The following ZCWPW2 variants were observed in gnomAD, a reference collection of about 807,000 sequenced individuals.
ZCWPW2 encodes the protein zinc finger CW-type and PWWP domain containing 2.
In ZCWPW2, 45 loss-of-function variants were observed where a neutral mutation model predicts 46.6. The ratio of observed to expected loss-of-function variants is 0.96; its 90% CI spans 0.76 to 1.24. The LOEUF (loss-of-function observed/expected upper bound fraction) is 1.24, where lower values mean the gene tolerates loss of function less well. ZCWPW2 is among the 50% of genes most tolerant of loss of function. The pLI, the probability that ZCWPW2 is intolerant of heterozygous loss-of-function variation, is 0.00. For missense variants in ZCWPW2, 429 were observed against 403.9 expected (o/e 1.06, Z -0.53); for synonymous variants, 152 against 137.1 (o/e 1.11, Z -0.76).
At chr3:28,371,478 AT>A (rs1374771988) in intron 1 of ZCWPW2, among the ~76,000 whole-genome samples, 1 of 152,070 alleles carries the variant, frequency 6.6e-6, no homozygotes, top group East Asian at 1.9e-4. Context: ...GGAGTTACAC[AT>A]CAAAGGAAGT....
intron 2 of ZCWPW2, among the ~76,000 whole-genome samples, chr3:28,401,689 A>G (rs1292560190): frequency 6.6e-6 from 1 of 152,158 alleles, no homozygotes. Flanking sequence ...TATAGGCCAC[A>G]AAACAACCCT....
intron 4 of ZCWPW2, among the ~76,000 whole-genome samples, chr3:28,441,535 A>G (rs527402138): frequency 6.6e-6 from 1 of 152,268 alleles, no homozygotes; most frequent in Non-Finnish European, 1.5e-5. Context: ...GTGCCTGCAT[A>G]TGGTGCAGAA....
chr3:28,479,040 G>T, intron 5 of ZCWPW2, 109 bp downstream of exon 5: 3 of 651,446 alleles, frequency 4.6e-6, no homozygotes, highest in South Asian at 2.4e-5. Context: ...CTCTTCATAG[G>T]GAAATAGTAT....
chr3:28,460,732 A>G (rs1698598295), intron 4 of ZCWPW2, among the ~76,000 whole-genome samples: 1 of 152,216 alleles, frequency 6.6e-6, no homozygotes, highest in Non-Finnish European at 1.5e-5. Flanking sequence ...GAACTGCTTT[A>G]AGTGAAAACG....
intron 2 of ZCWPW2, among the ~76,000 whole-genome samples, chr3:28,402,147 GA>G (rs1460635076): frequency 6.6e-6 from 1 of 151,928 alleles, no homozygotes; most frequent in African/African-American, 2.4e-5. Context: ...CTAGTTCTTT[GA>G]AAAGATAAAT....
intron 1 of ZCWPW2, among the ~76,000 whole-genome samples, chr3:28,352,614 C>T (rs1273860107): frequency 1.3e-5 from 2 of 151,934 alleles, no homozygotes; most frequent in African/African-American, 2.4e-5. Flanking sequence ...ATTGACTTAT[C>T]AGTTGATCAT....
chr3:28,372,927 C>T (rs1705380490), intron 1 of ZCWPW2, among the ~76,000 whole-genome samples: 1 of 152,142 alleles, frequency 6.6e-6, no homozygotes, highest in Non-Finnish European at 1.5e-5. Context: ...TCCAGTTCCA[C>T]CTATTGTTGC....
rs569222194 is a variant in ZCWPW2 at position 28,405,841 on chromosome 3, C to T, written c.-13-7215C>T. The stretch of plus-strand genomic sequence containing the variant: ...AAGAGGAGTGCAATAGAGAATGTCT[C>T]AATCTTCTTAAAAAATACCTAAGTA... On this transcript the variant is annotated intron_variant, in intron 2 of 9. Coordinates refer to ENST00000383768, the MANE Select transcript of ZCWPW2 (RefSeq NM_001040432.4). Among the ~76,000 whole-genome samples the T allele has an allele frequency of 2.6e-5, 4 of 152,104 alleles. No individual in the cohort carries two copies. In the South Asian group the frequency reaches 8.3e-4, roughly 32 times the overall value.
At chr3:28,503,143 A>G (rs1452000896) in intron 6 of ZCWPW2, among the ~76,000 whole-genome samples, 2 of 152,124 alleles carry the variant, frequency 1.3e-5, no homozygotes, top group Non-Finnish European at 2.9e-5. Flanking sequence ...CTTTTCAACC[A>G]TAAGTCTCCC....
At chr3:28,398,712 C>G (rs1695802706) in intron 2 of ZCWPW2, among the ~76,000 whole-genome samples, 1 of 152,130 alleles carries the variant, frequency 6.6e-6, no homozygotes, top group Non-Finnish European at 1.5e-5. Flanking sequence ...GAGATGCCGT[C>G]CTTACCTGGA....
chr3:28,501,979 T>C (rs1165296135), intron 6 of ZCWPW2, among the ~76,000 whole-genome samples: 1 of 151,996 alleles, frequency 6.6e-6, no homozygotes, highest in Admixed American at 6.6e-5. Flanking sequence ...CACCTTGGCC[T>C]CCCGTAGTGC....
intron 4 of ZCWPW2, chr3:28,461,078 A>G (rs1698615327): frequency 5.0e-6 from 1 of 201,278 alleles, no homozygotes; most frequent in African/African-American, 2.3e-5. Flanking sequence ...AGCTCTATAA[A>G]GAAGATTGTA....
chr3:28,364,923 A>G (rs1342040392), intron 1 of ZCWPW2, among the ~76,000 whole-genome samples: 1 of 152,100 alleles, frequency 6.6e-6, no homozygotes, highest in African/African-American at 2.4e-5. Flanking sequence ...GCCAGTGATG[A>G]TGAGCATTTT....
intron 6 of ZCWPW2, among the ~76,000 whole-genome samples, chr3:28,507,579 C>T (rs1341581857): frequency 6.6e-6 from 1 of 151,556 alleles, no homozygotes; most frequent in Non-Finnish European, 1.5e-5. Flanking sequence ...TTTTAGTTAG[C>T]TACCTTTTGG....
chr3:28,427,124 G>A (rs1697046123), intron 3 of ZCWPW2, among the ~76,000 whole-genome samples: 1 of 152,096 alleles, frequency 6.6e-6, no homozygotes, highest in Non-Finnish European at 1.5e-5. Context: ...TACTTTTCTT[G>A]TAATTCTGAT....
At chr3:28,408,203 T>C (rs1696241419) in intron 2 of ZCWPW2, among the ~76,000 whole-genome samples, 2 of 152,166 alleles carry the variant, frequency 1.3e-5, no homozygotes, top group African/African-American at 4.8e-5. Context: ...CCTAAGAAAA[T>C]TTGAAAACCT....
intron 6 of ZCWPW2, among the ~76,000 whole-genome samples, chr3:28,495,746 A>G (rs112310470): frequency 6.6e-6 from 1 of 151,976 alleles, no homozygotes. Flanking sequence ...TCTCAGATAG[A>G]CTGGGGAAAA....
At chr3:28,489,454 C>A (rs1454850288) in intron 5 of ZCWPW2, among the ~76,000 whole-genome samples, 1 of 151,560 alleles carries the variant, frequency 6.6e-6, no homozygotes, top group Non-Finnish European at 1.5e-5. Context: ...TTATTTTTTC[C>A]CATTTCTTGA....
intron 3 of ZCWPW2, among the ~76,000 whole-genome samples, chr3:28,433,590 A>G (rs1437904819): frequency 6.6e-6 from 1 of 151,196 alleles, no homozygotes; most frequent in Admixed American, 6.6e-5. Context: ...AACATGGTGA[A>G]ACCCCATCTC....
Sources: allele counts gnomAD v4.1 joint callset (sites outside exome capture counted in the v4.1 genomes callset), GRCh38; gene constraint gnomAD v4.1.1; transcripts MANE v1.5; gene names NCBI Gene and HGNC (gene_info 2026-07-23, HGNC 2026-07-21).